SLC24A3: variants seen among roughly 807,000 people sequenced by gnomAD.
SLC24A3 encodes the protein solute carrier family 24 member 3, also known as sodium/potassium/calcium exchanger 3.
A neutral mutation model predicts 75.8 loss-of-function variants in SLC24A3; 28 were observed. That is an observed-to-expected ratio of 0.37 (90% CI 0.27 to 0.51). The LOEUF (loss-of-function observed/expected upper bound fraction) is 0.51, where lower values mean the gene tolerates loss of function less well. Among genes scored for constraint, SLC24A3 ranks in the 20% least tolerant of loss-of-function variants. The pLI is 0.94. For missense variants in SLC24A3, 663 were observed against 847.8 expected (o/e 0.78, Z 2.71); for synonymous variants, 372 against 334.1 (o/e 1.11, Z -1.24).
intron 3 of SLC24A3, among the ~76,000 whole-genome samples, chr20:19,529,770 T>C (rs995549038): frequency 1.2e-4 from 18 of 152,170 alleles, no homozygotes; most frequent in African/African-American, 4.1e-4. Context: ...TTGATACCAC[T>C]CTGACCTTAC....
chr20:19,306,493 A>G (rs897720693), intron 2 of SLC24A3, among the ~76,000 whole-genome samples: 2 of 152,224 alleles, frequency 1.3e-5, no homozygotes, highest in Non-Finnish European at 2.9e-5. Context: ...ATTGTGATAC[A>G]TATATACCAT....
At chr20:19,580,166 G>A in intron 4 of SLC24A3, 92 bp downstream of exon 4, 1 of 1,121,936 alleles carries the variant, frequency 8.9e-7, no homozygotes, top group Non-Finnish European at 1.3e-6. Flanking sequence ...AAGTCCTGGG[G>A]AGCCCTCGCA....
chr20:19,606,289 A>G (rs1163521826), intron 6 of SLC24A3, among the ~76,000 whole-genome samples: 1 of 152,144 alleles, frequency 6.6e-6, no homozygotes, highest in African/African-American at 2.4e-5. Flanking sequence ...GGCTTCCAAT[A>G]TGGGGAAGGA....
intron 2 of SLC24A3, among the ~76,000 whole-genome samples, chr20:19,343,312 T>A (rs1318887140): frequency 6.6e-6 from 1 of 152,076 alleles, no homozygotes. Flanking sequence ...GCTTTACCAT[T>A]TCAATTGTGT....
chr20:19,664,262 A>G (rs2032371843), intron 7 of SLC24A3, among the ~76,000 whole-genome samples: 1 of 152,226 alleles, frequency 6.6e-6, no homozygotes, highest in Non-Finnish European at 1.5e-5. Flanking sequence ...GGGGTTATAC[A>G]AAAGAGCTGT....
At chr20:19,496,058 G>A (rs746904376) in intron 2 of SLC24A3, among the ~76,000 whole-genome samples, 8 of 152,164 alleles carry the variant, frequency 5.3e-5, no homozygotes, top group Admixed American at 4.6e-4. Flanking sequence ...TCTCCCTGCC[G>A]CCTCTCAGTG....
chr20:19,714,132 G>A (rs1478899492), intron 15 of SLC24A3, among the ~76,000 whole-genome samples: 1 of 152,162 alleles, frequency 6.6e-6, no homozygotes, highest in Non-Finnish European at 1.5e-5. Context: ...GCCAGATGCC[G>A]TGGCTCATGC....
At chr20:19,667,292 T>C (rs554867786) in intron 8 of SLC24A3, among the ~76,000 whole-genome samples, 1 of 152,338 alleles carries the variant, frequency 6.6e-6, no homozygotes, top group South Asian at 2.1e-4. Flanking sequence ...CTTTGAATCA[T>C]AGTGACCAAT....
chr20:19,279,286 T>C (rs1983585126), intron 1 of SLC24A3, among the ~76,000 whole-genome samples: 1 of 152,222 alleles, frequency 6.6e-6, no homozygotes, highest in Non-Finnish European at 1.5e-5. Flanking sequence ...CGTCTTGTGT[T>C]TCCATCCGTT....
At chr20:19,378,191 T>C (rs765482302) in intron 2 of SLC24A3, among the ~76,000 whole-genome samples, 1 of 152,128 alleles carries the variant, frequency 6.6e-6, no homozygotes, top group Non-Finnish European at 1.5e-5. Context: ...TGGTCACAAT[T>C]TGGATAAGCT....
At chr20:19,292,802 A>G (rs1301557432) in intron 2 of SLC24A3, among the ~76,000 whole-genome samples, 1 of 152,240 alleles carries the variant, frequency 6.6e-6, no homozygotes, top group Non-Finnish European at 1.5e-5. Context: ...TTTATTTCTT[A>G]CAGTTCTGGA....
intron 1 of SLC24A3, among the ~76,000 whole-genome samples, chr20:19,255,187 A>G (rs944763105): frequency 3.3e-5 from 5 of 152,236 alleles, no homozygotes; most frequent in African/African-American, 1.2e-4. Flanking sequence ...CCTGCAAAGC[A>G]GGAGATGTAT....
chr20:19,365,480 A>G (rs1319074012), intron 2 of SLC24A3, among the ~76,000 whole-genome samples: 3 of 151,310 alleles, frequency 2.0e-5, no homozygotes, highest in South Asian at 2.1e-4. Flanking sequence ...CACATTCTAC[A>G]CTCTTTAGCA....
At chr20:19,490,149 T>C (rs1265453189) in intron 2 of SLC24A3, among the ~76,000 whole-genome samples, 3 of 152,184 alleles carry the variant, frequency 2.0e-5, no homozygotes, top group African/African-American at 7.2e-5. Flanking sequence ...ATTCAAATTG[T>C]CCTTTTGATC....
intron 2 of SLC24A3, among the ~76,000 whole-genome samples, chr20:19,292,353 G>T (rs997825488): frequency 2.0e-5 from 3 of 152,260 alleles, no homozygotes; most frequent in East Asian, 1.9e-4. Flanking sequence ...GGTTTTTAGG[G>T]CGTGGGAGTT....
At chr20:19,703,035 C>T (rs1390704500) in intron 15 of SLC24A3, among the ~76,000 whole-genome samples, 1 of 152,152 alleles carries the variant, frequency 6.6e-6, no homozygotes, top group Non-Finnish European at 1.5e-5. Context: ...GAACAAGAAA[C>T]AGGGAAGGAT....
chr20:19,435,760 C>T (rs1204485058), intron 2 of SLC24A3, among the ~76,000 whole-genome samples: 1 of 152,166 alleles, frequency 6.6e-6, no homozygotes, highest in Non-Finnish European at 1.5e-5. Flanking sequence ...TTTAAAGTCT[C>T]TTCCAGTTGG....
chr20:19,223,447 G>T (rs1981786085), intron 1 of SLC24A3, among the ~76,000 whole-genome samples: 1 of 152,194 alleles, frequency 6.6e-6, no homozygotes, highest in Admixed American at 6.5e-5. Context: ...AGTGTTATTT[G>T]TATGGTAGTC....
intron 7 of SLC24A3, among the ~76,000 whole-genome samples, chr20:19,664,338 C>A (rs548683577): frequency 6.6e-6 from 1 of 152,260 alleles, no homozygotes; most frequent in Non-Finnish European, 1.5e-5. Context: ...GCCTTTATTT[C>A]TTTAATTCTC....
Sources: allele counts gnomAD v4.1 joint callset (sites outside exome capture counted in the v4.1 genomes callset), GRCh38; gene constraint gnomAD v4.1.1; transcripts MANE v1.5; gene names NCBI Gene and HGNC (gene_info 2026-07-23, HGNC 2026-07-21).